The following NALF1 variants were observed in gnomAD, a reference collection of about 807,000 sequenced individuals.
NALF1 encodes NALCN channel auxiliary factor 1, also known as family with sequence similarity 155 member A.
A neutral mutation model predicts 48.4 loss-of-function variants in NALF1; 3 were observed. That is an observed-to-expected ratio of 0.06 (90% CI 0.03 to 0.16). The LOEUF is 0.16. NALF1 is among the 10% of genes least tolerant of loss of function. The pLI, the probability that NALF1 is intolerant of heterozygous loss-of-function variation, is 1.00. For synonymous variants in NALF1, 262 were observed against 245.7 expected (o/e 1.07, Z -0.62); for missense variants, 526 against 571.5 (o/e 0.92, Z 0.81).
intron 1 of NALF1, among the ~76,000 whole-genome samples, chr13:107,248,480 CA>C (rs1880630617): frequency 6.6e-6 from 1 of 151,118 alleles, no homozygotes; most frequent in African/African-American, 2.4e-5. Flanking sequence ...TTTAGCAAGT[CA>C]AAACTTCCAA....
At chr13:107,650,639 G>A (rs944530855) in intron 1 of NALF1, among the ~76,000 whole-genome samples, 13 of 151,886 alleles carry the variant, frequency 8.6e-5, no homozygotes, top group Admixed American at 2.6e-4. Flanking sequence ...TATACTGCCC[G>A]GGTGATGGGT....
chr13:107,492,762 A>G lies in NALF1; in HGVS notation c.916-282007T>C, dbSNP rs569650879. 9.6e-4 allele frequency among the ~76,000 whole-genome samples: 146 copies of G among 152,316 alleles called. 1 individual carries two copies. Among genetic ancestry groups the G allele is most frequent in the African/African-American group, 2.9e-3 (120 of 41,588 alleles). ...AAGACTTTGATAATGGCTGTACATCATGGATAGGCAAGAATAGATATTTCT... is the reference window on the plus strand; with the variant it reads ...AAGACTTTGATAATGGCTGTACATCGTGGATAGGCAAGAATAGATATTTCT... On this transcript the variant is annotated intron_variant, in intron 1 of 2. Transcript: ENST00000375915.
chr13:107,448,905 C>T (rs1884695813), intron 1 of NALF1, among the ~76,000 whole-genome samples: 1 of 152,156 alleles, frequency 6.6e-6, no homozygotes, highest in Admixed American at 6.5e-5. Context: ...CTCCCTCTGC[C>T]AAATGCCATG....
At chr13:107,788,550 T>G (rs1478522639) in intron 1 of NALF1, 1 of 152,282 alleles carries the variant, frequency 6.6e-6, no homozygotes, top group Non-Finnish European at 1.5e-5. Context: ...AGCCCTTTCC[T>G]CTTCCAGTAA....
At chr13:107,566,887 C>G (rs1442213695) in intron 1 of NALF1, among the ~76,000 whole-genome samples, 3 of 152,082 alleles carry the variant, frequency 2.0e-5, no homozygotes, top group Non-Finnish European at 4.4e-5. Flanking sequence ...GGCCAGCTGC[C>G]CAACACGGAT....
intron 1 of NALF1, among the ~76,000 whole-genome samples, chr13:107,736,085 T>C (rs1044309858): frequency 1.3e-5 from 2 of 152,158 alleles, no homozygotes; most frequent in African/African-American, 2.4e-5. Flanking sequence ...ATCAAAGTTA[T>C]CATGATGTGA....
At chr13:107,263,636 C>T (rs1880980859) in intron 1 of NALF1, among the ~76,000 whole-genome samples, 1 of 152,132 alleles carries the variant, frequency 6.6e-6, no homozygotes, top group Non-Finnish European at 1.5e-5. Context: ...GGTTCTCATT[C>T]TCTCTTTGCC....
intron 1 of NALF1, among the ~76,000 whole-genome samples, chr13:107,432,535 G>T (rs1272288421): frequency 6.6e-6 from 1 of 152,112 alleles, no homozygotes; most frequent in Non-Finnish European, 1.5e-5. Flanking sequence ...AGTGTCAGCT[G>T]CTTCCCCGGG....
intron 1 of NALF1, among the ~76,000 whole-genome samples, chr13:107,435,236 C>T (rs1306812544): frequency 6.6e-6 from 1 of 151,830 alleles, no homozygotes; most frequent in Non-Finnish European, 1.5e-5. Context: ...GGCCCTAAAA[C>T]AAATCGTTGA....
intron 1 of NALF1, among the ~76,000 whole-genome samples, chr13:107,286,468 A>T (rs987785273): frequency 6.6e-6 from 1 of 151,948 alleles, no homozygotes; most frequent in East Asian, 1.9e-4. Context: ...CCCCATCTCT[A>T]TTAAAAAAAA....
chr13:107,315,583 T>C (rs1021177403), intron 1 of NALF1, among the ~76,000 whole-genome samples: 2 of 152,064 alleles, frequency 1.3e-5, no homozygotes, highest in African/African-American at 2.4e-5. Flanking sequence ...GGTACTTTGT[T>C]GGGTTTTCCT....
intron 1 of NALF1, among the ~76,000 whole-genome samples, chr13:107,635,247 T>C (rs1879943501): frequency 6.6e-6 from 1 of 151,848 alleles, no homozygotes; most frequent in South Asian, 2.1e-4. Context: ...AGGAAAGGGG[T>C]TTAATTTACT....
At chr13:107,502,875 C>G (rs1156624924) in intron 1 of NALF1, among the ~76,000 whole-genome samples, 1 of 151,996 alleles carries the variant, frequency 6.6e-6, no homozygotes, top group Non-Finnish European at 1.5e-5. Flanking sequence ...GCAGATTGTC[C>G]ATTTCTGTAT....
intron 1 of NALF1, among the ~76,000 whole-genome samples, chr13:107,340,332 G>T (rs1013747370): frequency 6.6e-6 from 1 of 151,842 alleles, no homozygotes; most frequent in Non-Finnish European, 1.5e-5. Context: ...GTAGAGACAG[G>T]GTTTCACCAT....
At chr13:107,179,961 G>A (rs936385693) in intron 2 of NALF1, among the ~76,000 whole-genome samples, 4 of 142,540 alleles carry the variant, frequency 2.8e-5, no homozygotes, top group African/African-American at 1.1e-4. Context: ...ATCTAGTATG[G>A]CCTCATTTTA....
At chr13:107,484,819 A>C (rs954663826) in intron 1 of NALF1, among the ~76,000 whole-genome samples, 1 of 152,140 alleles carries the variant, frequency 6.6e-6, no homozygotes, top group Non-Finnish European at 1.5e-5. Flanking sequence ...TTATTGTTTG[A>C]ATCAGAACTC....
Position 107,811,830 on chromosome 13 carries a change from C to A in NALF1, c.915+53852G>T, listed in dbSNP as rs184243860. On this transcript the variant is annotated intron_variant, in intron 1 of 2. Transcript: ENST00000375915. ...CATTAATCCCTTTATAAGGGCAGAG[C>A]CCTCATGGCCTAATAAGTTCCTGAA... 1.3e-3 allele frequency among the ~76,000 whole-genome samples: 191 copies of A among 152,244 alleles called. 1 individual carries two copies. Among genetic ancestry groups the A allele is most frequent in the African/African-American group, 4.1e-3 (172 of 41,552 alleles).
Position 107,324,684 on chromosome 13 carries a change from G to A in NALF1, c.916-113929C>T, listed in dbSNP as rs79177201. Among the ~76,000 whole-genome samples, 3 of 152,116 alleles carry A rather than the reference G, an allele frequency of 2.0e-5. No homozygotes were observed. The East Asian group carries it at 5.8e-4, about 29-fold the overall frequency. On this transcript the variant is annotated intron_variant, in intron 1 of 2. Coordinates refer to ENST00000375915, the MANE Select transcript of NALF1 (RefSeq NM_001080396.3). The stretch of plus-strand genomic sequence containing the variant: ...CAGTTGTGTTTGTGTGCCTGTGTGT[G>A]TGCACAGTAGATATACTTGTAAACT...
chr13:107,832,190 T>G (rs1351819553), intron 1 of NALF1, among the ~76,000 whole-genome samples: 2 of 151,952 alleles, frequency 1.3e-5, no homozygotes, highest in African/African-American at 4.8e-5. Context: ...ATGATGGATA[T>G]TCAATCCTAT....
Sources: allele counts gnomAD v4.1 joint callset (sites outside exome capture counted in the v4.1 genomes callset), GRCh38; gene constraint gnomAD v4.1.1; transcripts MANE v1.5; gene names NCBI Gene and HGNC (gene_info 2026-07-23, HGNC 2026-07-21).